The following LCP1 variants were observed in gnomAD, a reference collection of about 807,000 sequenced individuals.
LCP1 encodes plastin-2.
In LCP1, 23 loss-of-function variants were observed where a neutral mutation model predicts 72.0. That is an observed-to-expected ratio of 0.32 (90% confidence interval 0.23 to 0.45). The LOEUF (loss-of-function observed/expected upper bound fraction) is 0.45. Among genes scored for constraint, LCP1 ranks in the 20% least tolerant of loss-of-function variants. The pLI is 1.00. For synonymous variants in LCP1, 245 were observed against 275.4 expected (o/e 0.89, Z 1.09); for missense variants, 571 against 748.3 (o/e 0.76, Z 2.76).
At chr13:46,157,273 T>C (rs1170733545) in intron 4 of LCP1, among the ~76,000 whole-genome samples, 1 of 150,918 alleles carries the variant, frequency 6.6e-6, no homozygotes, top group Non-Finnish European at 1.5e-5. Context: ...TATATACACA[T>C]ATAAATACAA....
chr13:46,131,042 C>A, intron 14 of LCP1, 104 bp from the exon 15 acceptor site: 1 of 1,161,592 alleles, frequency 8.6e-7, no homozygotes, highest in Non-Finnish European at 1.2e-6. Context: ...ATAATATATA[C>A]AGCCTGGTCT....
rs1321898006 is a variant in LCP1 at position 46,148,518 on chromosome 13, C to T, written c.883-71G>A. 3.6e-5 allele frequency: 34 copies of T among 948,238 alleles called. No homozygotes were observed. In the Admixed American group the frequency reaches 6.7e-4, roughly 19 times the overall value. The allele number at this position is 948,238 out of a possible 1,614,324, so 58.7% of individuals were successfully genotyped here. On this transcript the variant is annotated intron_variant, in intron 8 of 15. Transcript: ENST00000323076. Reference sequence around the variant, plus strand: ...TACATACTTAGCATAACAATGATTTCCCAAAAGCAAACATTTTATTTCATA... The same window carrying T: ...TACATACTTAGCATAACAATGATTTTCCAAAAGCAAACATTTTATTTCATA...
chr13:46,160,675 T>C (rs932784987), intron 1 of LCP1, among the ~76,000 whole-genome samples: 1 of 152,070 alleles, frequency 6.6e-6, no homozygotes, highest in Non-Finnish European at 1.5e-5. Context: ...TGCCCTCTAG[T>C]GGGTGAGAAG....
chr13:46,138,440 T>A (rs540260635), intron 13 of LCP1, among the ~76,000 whole-genome samples: 1 of 152,228 alleles, frequency 6.6e-6, no homozygotes, highest in Non-Finnish European at 1.5e-5. Context: ...CTTTCTTAAA[T>A]GCACGATTCT....
chr13:46,136,721 T>C (rs1479043589), intron 13 of LCP1, among the ~76,000 whole-genome samples: 1 of 152,160 alleles, frequency 6.6e-6, no homozygotes, highest in Non-Finnish European at 1.5e-5. Flanking sequence ...TACTGTAACA[T>C]CTAAGAATTT....
At chr13:46,159,107 G>T in intron 2 of LCP1, 118 bp from the exon 3 acceptor site, 1 of 878,564 alleles carries the variant, frequency 1.1e-6, no homozygotes, top group Non-Finnish European at 1.8e-6. Context: ...CAGACATTAA[G>T]GCATGATCCC....
chr13:46,178,568 C>A (rs1159862734), intron 1 of LCP1, among the ~76,000 whole-genome samples: 2 of 152,126 alleles, frequency 1.3e-5, no homozygotes, highest in African/African-American at 4.8e-5. Context: ...TTAAGGAGTG[C>A]GCTTCCATCT....
intron 1 of LCP1, among the ~76,000 whole-genome samples, chr13:46,173,092 G>C (rs952834177): frequency 6.6e-6 from 1 of 152,136 alleles, no homozygotes; most frequent in Non-Finnish European, 1.5e-5. Flanking sequence ...CTAGGATACA[G>C]GGATACACCC....
intron 1 of LCP1, among the ~76,000 whole-genome samples, chr13:46,162,318 C>G (rs1186972062): frequency 6.9e-6 from 1 of 144,850 alleles, no homozygotes; most frequent in Non-Finnish European, 1.5e-5. Flanking sequence ...TCTCCCTCTC[C>G]CTCTCTTTCC....
chr13:46,165,298 C>T (rs947097251), intron 1 of LCP1, among the ~76,000 whole-genome samples: 3 of 151,818 alleles, frequency 2.0e-5, no homozygotes, highest in African/African-American at 7.3e-5. Flanking sequence ...CACTTGAACC[C>T]AGGAAGCGGA....
At chr13:46,175,979 T>C (rs1593967129) in intron 1 of LCP1, among the ~76,000 whole-genome samples, 1 of 152,178 alleles carries the variant, frequency 6.6e-6, no homozygotes, top group East Asian at 1.9e-4. Flanking sequence ...GTGAGGGTGA[T>C]ATGAGCAGAT....
intron 7 of LCP1, 46 bp from the exon 8 acceptor site, chr13:46,151,124 G>A: frequency 6.3e-7 from 1 of 1,575,990 alleles, no homozygotes. Flanking sequence ...AGCGATGTTG[G>A]GGGAGGGGGG....
intron 14 of LCP1, among the ~76,000 whole-genome samples, chr13:46,133,844 A>G (rs144401882): frequency 1.3e-5 from 2 of 152,152 alleles, no homozygotes; most frequent in East Asian, 3.9e-4. Context: ...CACTCAATAT[A>G]CCCATGTAAC....
rs1353471409 is a variant in LCP1, at chr13:46,152,657, T to C, written c.739+123A>G. 1.2e-5 allele frequency: 11 copies of C among 942,744 alleles called. No homozygotes were observed. The East Asian group carries it at 1.9e-4, about 16-fold the overall frequency. The allele number at this position is 942,744 out of a possible 1,614,324, so 58.4% of individuals were successfully genotyped here. On this transcript the variant is annotated intron_variant, in intron 7 of 15. Coordinates refer to ENST00000323076, the MANE Select transcript of LCP1 (RefSeq NM_002298.5). Reference sequence around the variant, plus strand: ...TATAGAATCTGTGACATGAATACCATGGAATCAATATAACTGTGTAGTTTT... The same window carrying C: ...TATAGAATCTGTGACATGAATACCACGGAATCAATATAACTGTGTAGTTTT...
At chr13:46,171,291 C>G (rs1411047755) in intron 1 of LCP1, among the ~76,000 whole-genome samples, 5 of 152,278 alleles carry the variant, frequency 3.3e-5, no homozygotes, top group Non-Finnish European at 5.9e-5. Context: ...TCATTTCTGG[C>G]TATGGGATTC....
intron 1 of LCP1, among the ~76,000 whole-genome samples, chr13:46,173,800 G>A (rs940601380): frequency 5.3e-5 from 8 of 152,174 alleles, no homozygotes; most frequent in Non-Finnish European, 1.2e-4. Flanking sequence ...AAGGGGCTCC[G>A]GGCTTTGCCT....
At position 46,162,979 on chromosome 13, in the gene LCP1, TC is replaced by T. The variant is rs562107807; in HGVS notation, c.-24-3294del. On this transcript the variant is annotated intron_variant, in intron 1 of 15. Transcript: ENST00000323076. Reference sequence around the variant, plus strand: ...CCCCGTCTGGGAAGTGAGGAGCGTCTCCAGCCGGCAGCCGCCCCGTCGGGGA... The same window carrying T: ...CCCCGTCTGGGAAGTGAGGAGCGTCTCAGCCGGCAGCCGCCCCGTCGGGGA... Among the ~76,000 whole-genome samples, 595 of 149,516 alleles carry T rather than the reference TC, an allele frequency of 4.0e-3. 1 individual carries two copies. The highest frequency in any genetic ancestry group is 7.0e-3 in the Non-Finnish European group (472 of 67,528).
chr13:46,136,234 T>A (rs2045664430), intron 13 of LCP1, among the ~76,000 whole-genome samples: 1 of 152,156 alleles, frequency 6.6e-6, no homozygotes, highest in Non-Finnish European at 1.5e-5. Flanking sequence ...CCCCTTCCCT[T>A]CTAGTGAATT....
chr13:46,130,743 A>T, intron 15 of LCP1, 71 bp downstream of exon 15: 4 of 1,562,158 alleles, frequency 2.6e-6, no homozygotes, highest in Non-Finnish European at 3.5e-6. Context: ...CATGAGCATT[A>T]GACTTTACAA....
Sources: allele counts gnomAD v4.1 joint callset (sites outside exome capture counted in the v4.1 genomes callset), GRCh38; gene constraint gnomAD v4.1.1; transcripts MANE v1.5; gene names NCBI Gene and HGNC (gene_info 2026-07-23, HGNC 2026-07-21).